Variants in TDRD3 observed in about 807,000 individuals in gnomAD.
The protein encoded by TDRD3 is tudor domain containing 3.
Under a neutral mutation model 86.7 loss-of-function variants are expected in TDRD3, and 45 were observed. The ratio of observed to expected loss-of-function variants is 0.52; its 90% CI spans 0.41 to 0.67. The LOEUF (loss-of-function observed/expected upper bound fraction) is 0.67. TDRD3 is among the 30% of genes least tolerant of loss of function. The probability of loss-of-function intolerance (pLI) is 0.00; values close to 1 mark genes in which losing one functional copy is unlikely to be tolerated. For synonymous variants in TDRD3, 298 were observed against 301.7 expected (o/e 0.99, Z 0.13); for missense variants, 814 against 889.0 (o/e 0.92, Z 1.07).
At chr13:60,539,070 C>T (rs1189785476) in intron 12 of TDRD3, among the ~76,000 whole-genome samples, 1 of 152,024 alleles carries the variant, frequency 6.6e-6, no homozygotes, top group Non-Finnish European at 1.5e-5. Flanking sequence ...GTTCTAAGAC[C>T]TTAACATACA....
At chr13:60,563,713 C>G (rs1176665340) in intron 12 of TDRD3, among the ~76,000 whole-genome samples, 1 of 152,210 alleles carries the variant, frequency 6.6e-6, no homozygotes, top group Non-Finnish European at 1.5e-5. Flanking sequence ...TGCATTTCAC[C>G]TTACTATTTG....
chr13:60,437,219 C>G (rs144984414), intron 1 of TDRD3, among the ~76,000 whole-genome samples: 1 of 149,726 alleles, frequency 6.7e-6, no homozygotes, highest in Non-Finnish European at 1.5e-5. Flanking sequence ...CTCTGCCTCC[C>G]GGGTTCAAGC....
At chr13:60,531,018 A>T (rs796460926) in intron 11 of TDRD3, among the ~76,000 whole-genome samples, 27 of 152,162 alleles carry the variant, frequency 1.8e-4, no homozygotes, top group African/African-American at 6.0e-4. Flanking sequence ...ACAGAGTGAA[A>T]CAGCTAGATG....
At chr13:60,491,114 C>CAAAA (rs35355225) in intron 7 of TDRD3, among the ~76,000 whole-genome samples, 3 of 75,626 alleles carry the variant, frequency 4.0e-5, no homozygotes, top group African/African-American at 5.2e-5. Context: ...AACTCCATCT[C>CAAAA]AAAAAAAAAA....
intron 1 of TDRD3, among the ~76,000 whole-genome samples, chr13:60,437,454 G>A (rs1348017667): frequency 6.6e-6 from 1 of 151,926 alleles, no homozygotes; most frequent in Non-Finnish European, 1.5e-5. Context: ...TGGAAAGAGT[G>A]CTGAATTGGG....
At chr13:60,491,525 A>G (rs1157414496) in intron 7 of TDRD3, among the ~76,000 whole-genome samples, 2 of 152,236 alleles carry the variant, frequency 1.3e-5, no homozygotes, top group East Asian at 1.9e-4. Flanking sequence ...GTGACCAGTA[A>G]CAGGATAAAA....
chr13:60,502,968 T>C (rs1022544841), intron 8 of TDRD3, among the ~76,000 whole-genome samples: 2 of 152,232 alleles, frequency 1.3e-5, no homozygotes, highest in African/African-American at 4.8e-5. Context: ...TTTGAAATTC[T>C]AGAGGAACCA....
intron 1 of TDRD3, among the ~76,000 whole-genome samples, chr13:60,405,539 G>A (rs140409472): frequency 6.6e-6 from 1 of 151,826 alleles, no homozygotes; most frequent in Non-Finnish European, 1.5e-5. Flanking sequence ...GAGAATGAGT[G>A]GTAACTGACT....
chr13:60,431,030 T>C (rs1056146051), intron 1 of TDRD3, among the ~76,000 whole-genome samples: 2 of 152,104 alleles, frequency 1.3e-5, no homozygotes, highest in African/African-American at 4.8e-5. Context: ...ACGATATAGA[T>C]GTAGAAGAGA....
chr13:60,450,754 C>T (rs796334241), intron 3 of TDRD3, among the ~76,000 whole-genome samples: 30 of 152,052 alleles, frequency 2.0e-4, no homozygotes, highest in African/African-American at 6.8e-4. Context: ...AGAAACCAGC[C>T]GTGTCAATGT....
At chr13:60,571,349 G>T (rs1958581231) in intron 13 of TDRD3, among the ~76,000 whole-genome samples, 1 of 152,090 alleles carries the variant, frequency 6.6e-6, no homozygotes. Flanking sequence ...TGAGATAAAA[G>T]ATATTTGTTT....
chr13:60,498,737 A>T (rs1245724787), intron 8 of TDRD3, among the ~76,000 whole-genome samples: 1 of 152,180 alleles, frequency 6.6e-6, no homozygotes, highest in Admixed American at 6.5e-5. Context: ...TTCCCCAAGG[A>T]GACCTCCGGC....
intron 12 of TDRD3, among the ~76,000 whole-genome samples, chr13:60,545,839 G>A (rs752784065): frequency 5.9e-5 from 9 of 152,044 alleles, no homozygotes; most frequent in Non-Finnish European, 1.2e-4. Flanking sequence ...TAAATTTTCA[G>A]TCTATTTTAG....
rs1335381960 is a variant in TDRD3, at chr13:60,528,627, A to G, written c.1402A>G (p.Ile468Val). The G allele has an allele frequency of 1.9e-6, 3 of 1,613,914 alleles. No individual in the cohort carries two copies. Among genetic ancestry groups the G allele is most frequent in the Admixed American group, 3.3e-5 (2 of 59,994 alleles). The change falls in exon 11 of 14, where the codon ATC becomes GTC. Residue 468 changes from isoleucine to valine, a missense_variant. Ile to Val is a conservative substitution (Grantham distance 29). Transcript: ENST00000377881. Reference protein sequence around the residue: ...SVSEVWAEDRIKCDRPYSRYD... With the variant: ...SVSEVWAEDRVKCDRPYSRYD... ...ATCTGAAGTATGGGCTGAAGACAGA[A>G]TCAAATGTGATAGACCGTATTCTAG...
intron 3 of TDRD3, among the ~76,000 whole-genome samples, chr13:60,456,061 CTA>C (rs1251272286): frequency 2.0e-5 from 2 of 102,176 alleles, no homozygotes; most frequent in East Asian, 2.6e-4. Flanking sequence ...CAGAGTGAGA[CTA>C]TGTCTCAAAA....
At chr13:60,567,826 C>T (rs983421005) in intron 13 of TDRD3, among the ~76,000 whole-genome samples, 176 bp downstream of exon 13, 6 of 151,860 alleles carry the variant, frequency 4.0e-5, no homozygotes, top group African/African-American at 7.3e-5. Flanking sequence ...CAGGTTCAAG[C>T]GATTCTCCTG....
chr13:60,543,964 G>GTTTT (rs79811167), intron 12 of TDRD3, among the ~76,000 whole-genome samples: 1 of 131,638 alleles, frequency 7.6e-6, no homozygotes, highest in Non-Finnish European at 1.6e-5. Context: ...TAATATAGCT[G>GTTTT]TTTTTTTTTT....
chr13:60,441,702 G>T (rs1333440997), intron 2 of TDRD3, among the ~76,000 whole-genome samples: 1 of 152,112 alleles, frequency 6.6e-6, no homozygotes, highest in African/African-American at 2.4e-5. Flanking sequence ...CACATGCATA[G>T]CTAATTATAT....
intron 3 of TDRD3, among the ~76,000 whole-genome samples, chr13:60,459,074 T>C (rs187002087): frequency 1.3e-5 from 2 of 152,356 alleles, no homozygotes; most frequent in East Asian, 3.9e-4. Flanking sequence ...TTTCCAATTA[T>C]GTTCTCTAGG....
Sources: allele counts gnomAD v4.1 joint callset (sites outside exome capture counted in the v4.1 genomes callset), GRCh38; gene constraint gnomAD v4.1.1; transcripts MANE v1.5; gene names NCBI Gene and HGNC (gene_info 2026-07-23, HGNC 2026-07-21).